The following FAM107B variants were observed in gnomAD, a reference collection of about 807,000 sequenced individuals.
FAM107B encodes protein FAM107B.
Under a neutral mutation model 31.5 loss-of-function variants are expected in FAM107B, and 21 were observed. The observed-to-expected ratio is 0.67, with a 90% CI of 0.47 to 0.96. FAM107B has a LOEUF of 0.96. FAM107B is among the 40% of genes least tolerant of loss of function. FAM107B has a pLI of 0.00. For missense variants in FAM107B, 452 were observed against 377.1 expected, an observed-to-expected ratio of 1.20 and a Z score of -1.64; for synonymous variants, 157 against 141.5, an observed-to-expected ratio of 1.11 and a Z score of -0.78.
At chr10:14,592,016 G>C (rs923851313) in intron 2 of FAM107B, among the ~76,000 whole-genome samples, 1 of 152,226 alleles carries the variant, frequency 6.6e-6, no homozygotes, top group African/African-American at 2.4e-5. Flanking sequence ...AAATGCATTG[G>C]ACAGACTTTG....
intron 1 of FAM107B, among the ~76,000 whole-genome samples, chr10:14,716,977 C>A (rs540508366): frequency 6.6e-6 from 1 of 152,182 alleles, no homozygotes; most frequent in African/African-American, 2.4e-5. Flanking sequence ...GTAATCCCAG[C>A]TACTCGGGAG....
At chr10:14,607,732 C>A (rs747823649) in intron 2 of FAM107B, among the ~76,000 whole-genome samples, 7 of 152,188 alleles carry the variant, frequency 4.6e-5, no homozygotes, top group Non-Finnish European at 8.8e-5. Context: ...CACAGTTTAT[C>A]AGGTGGCTTA....
At chr10:14,732,464 G>A (rs1357924548) in intron 1 of FAM107B, among the ~76,000 whole-genome samples, 2 of 152,120 alleles carry the variant, frequency 1.3e-5, no homozygotes, top group Non-Finnish European at 2.9e-5. Flanking sequence ...CCAGTAAGTG[G>A]CCTTATCTTC....
At chr10:14,736,466 A>T (rs1205153638) in intron 1 of FAM107B, among the ~76,000 whole-genome samples, 2 of 152,150 alleles carry the variant, frequency 1.3e-5, no homozygotes, top group Non-Finnish European at 2.9e-5. Context: ...TTTCTTATAG[A>T]CTCATAATTA....
At position 14,530,341 on chromosome 10, in the gene FAM107B, T is replaced by C. The variant is rs781104174; in HGVS notation, c.644A>G (p.Asn215Ser). The change falls in exon 3 of 5, where the codon AAT becomes AGT. Residue 215 changes from asparagine to serine, a missense_variant. Transcript: ENST00000181796. Reference sequence around the variant, plus strand: ...CAAGAAACCATTTTACCTTTTTTGATTCATAAGAAGTTCTCTGTGAAGATC... The same window carrying C: ...CAAGAAACCATTTTACCTTTTTTGACTCATAAGAAGTTCTCTGTGAAGATC... ...HQDLHRELLMNQKRGLAPQNK... is the reference protein window; with the variant it reads ...HQDLHRELLMSQKRGLAPQNK... 22 of 1,604,670 alleles carry C rather than the reference T, an allele frequency of 1.4e-5. No individual in the cohort carries two copies. The Admixed American group carries it at 2.8e-4, about 20-fold the overall frequency.
At chr10:14,741,417 A>G (rs1414070350) in intron 1 of FAM107B, among the ~76,000 whole-genome samples, 1 of 152,170 alleles carries the variant, frequency 6.6e-6, no homozygotes, top group Admixed American at 6.5e-5. Flanking sequence ...GTTTTAGGCC[A>G]GAGAGAGAGC....
At chr10:14,767,091 G>GAGAGAC (rs1833195213) in intron 1 of FAM107B, among the ~76,000 whole-genome samples, 1 of 110,610 alleles carries the variant, frequency 9.0e-6, no homozygotes, top group Non-Finnish European at 1.7e-5. Flanking sequence ...GAGAGAGAGA[G>GAGAGAC]AGAGAGAGAC....
At chr10:14,619,857 A>G (rs190555864) in intron 2 of FAM107B, among the ~76,000 whole-genome samples, 275 of 151,964 alleles carry the variant, frequency 1.8e-3, no homozygotes, top group Non-Finnish European at 7.4e-4. Flanking sequence ...GTGCTAGGCA[A>G]TGGTGTAAAG....
At chr10:14,525,606 G>C (rs1471428038) in intron 3 of FAM107B, among the ~76,000 whole-genome samples, 1 of 152,126 alleles carries the variant, frequency 6.6e-6, no homozygotes, top group Non-Finnish European at 1.5e-5. Context: ...CTTACCAACA[G>C]TTGGGTCTAT....
chr10:14,735,788 GC>G (rs1856286916), intron 1 of FAM107B, among the ~76,000 whole-genome samples: 1 of 152,160 alleles, frequency 6.6e-6, no homozygotes, highest in Admixed American at 6.5e-5. Flanking sequence ...CGATTGTCCA[GC>G]TTTACTGAGT....
intron 3 of FAM107B, among the ~76,000 whole-genome samples, chr10:14,524,023 C>T (rs975028280): frequency 2.2e-4 from 32 of 146,334 alleles, no homozygotes; most frequent in Non-Finnish European, 3.7e-4. Context: ...CATGCCACCA[C>T]GCCCAGCTCT....
intron 2 of FAM107B, among the ~76,000 whole-genome samples, chr10:14,637,658 G>A (rs922407324): frequency 6.6e-6 from 1 of 152,048 alleles, no homozygotes; most frequent in South Asian, 2.1e-4. Flanking sequence ...AACAAACACA[G>A]ATGGCAAGGG....
intron 1 of FAM107B, among the ~76,000 whole-genome samples, chr10:14,759,814 T>C (rs933115261): frequency 6.6e-6 from 1 of 151,960 alleles, no homozygotes; most frequent in African/African-American, 2.4e-5. Flanking sequence ...CGGACACAAG[T>C]GATTCTTGTG....
intron 3 of FAM107B, 22 bp downstream of exon 3, chr10:14,530,310 T>A (rs1482088744): frequency 3.8e-6 from 6 of 1,583,686 alleles, no homozygotes; most frequent in Admixed American, 3.8e-5. Context: ...AAAAAAAAAA[T>A]ATGCTCAAGA....
intron 2 of FAM107B, chr10:14,548,474 T>G (rs1046385160): frequency 1.0e-6 from 1 of 985,604 alleles, no homozygotes; most frequent in Non-Finnish European, 1.2e-6. Context: ...AGGGCTCCTC[T>G]GCAGTTCACA....
rs181427605 is a variant in FAM107B, at chr10:14,643,479, G to A, written c.469+24155C>T. Among the ~76,000 whole-genome samples the A allele has an allele frequency of 4.8e-3, 717 of 150,630 alleles. 11 individuals are homozygous for A. The highest frequency in any genetic ancestry group is 0.017 in the African/African-American group (686 of 40,860). On this transcript the variant is annotated intron_variant, in intron 2 of 4. Coordinates refer to ENST00000181796, the MANE Select transcript of FAM107B (RefSeq NM_031453.4). Reference sequence around the variant, plus strand: ...GGCTGGAGTGCAGTAATGTGATCTCGGTTCACTGCAGTCTCCACCTCCTGG... The same window carrying A: ...GGCTGGAGTGCAGTAATGTGATCTCAGTTCACTGCAGTCTCCACCTCCTGG...
At chr10:14,595,756 C>T (rs1275182394) in intron 2 of FAM107B, among the ~76,000 whole-genome samples, 1 of 152,146 alleles carries the variant, frequency 6.6e-6, no homozygotes, top group Admixed American at 6.5e-5. Context: ...CCACCAGTCT[C>T]CCCATATCAA....
chr10:14,687,509 G>A (rs927615601), intron 1 of FAM107B, among the ~76,000 whole-genome samples: 1 of 152,086 alleles, frequency 6.6e-6, no homozygotes, highest in Non-Finnish European at 1.5e-5. Flanking sequence ...TTGGAATTCT[G>A]TCACCTTGTA....
chr10:14,694,081 G>C (rs1855209240), intron 1 of FAM107B, among the ~76,000 whole-genome samples: 2 of 152,176 alleles, frequency 1.3e-5, no homozygotes, highest in Non-Finnish European at 2.9e-5. Flanking sequence ...ATATTCCGCT[G>C]TATGTATATA....
Sources: gnomAD v4.1 joint callset for allele counts (sites outside exome capture counted in the v4.1 genomes callset) on GRCh38, gnomAD v4.1.1 for gene constraint, MANE v1.5 for transcripts, NCBI Gene and HGNC (gene_info 2026-07-23, HGNC 2026-07-21) for gene names.